Variants in SKAP1 observed in about 807,000 individuals in gnomAD.
SKAP1 encodes the protein src kinase-associated phosphoprotein 1.
SKAP1 carries 44 observed loss-of-function variants against 58.5 expected under a neutral mutation model. That is an observed-to-expected ratio of 0.75 (90% CI 0.59 to 0.97). The LOEUF is 0.97. Among genes scored for constraint, SKAP1 ranks in the 50% least tolerant of loss-of-function variants. The probability of loss-of-function intolerance (pLI) is 0.00; values close to 1 mark genes in which losing one functional copy is unlikely to be tolerated. For missense variants in SKAP1, 390 were observed against 435.2 expected (o/e 0.90, Z 0.92); for synonymous variants, 127 against 149.7 (o/e 0.85, Z 1.11).
At chr17:48,416,357 GA>G (rs2067731465) in intron 1 of SKAP1, among the ~76,000 whole-genome samples, 1 of 152,176 alleles carries the variant, frequency 6.6e-6, no homozygotes, top group South Asian at 2.1e-4. Flanking sequence ...TAGAGGGATA[GA>G]AAAGGTTTGT....
intron 10 of SKAP1, among the ~76,000 whole-genome samples, chr17:48,166,731 C>T (rs1048749674): frequency 6.6e-6 from 1 of 152,130 alleles, no homozygotes; most frequent in Non-Finnish European, 1.5e-5. Flanking sequence ...GCCAGTCCTA[C>T]GAGAGGATGG....
rs375108928 is a variant in SKAP1 at position 48,234,714 on chromosome 17, CT to C, written c.281-45215del. ...AGAAATACATTCTATTTTCAAGGCA[CT>C]TTTTTTTTTCTGGTAGGAAAGACAG... is the stretch of plus-strand genomic sequence containing the variant. On this transcript the variant is annotated intron_variant, in intron 4 of 12. Transcript: ENST00000336915. Among the ~76,000 whole-genome samples the C allele has an allele frequency of 8.0e-4, 120 of 149,504 alleles. 1 individual carries two copies. The highest frequency in any genetic ancestry group is 3.5e-3 in the Middle Eastern group (1 of 288).
At chr17:48,382,198 C>T (rs2067223717) in intron 2 of SKAP1, among the ~76,000 whole-genome samples, 1 of 151,042 alleles carries the variant, frequency 6.6e-6, no homozygotes, top group Non-Finnish European at 1.5e-5. Context: ...AAAAAAAAAC[C>T]CACATGGGGG....
chr17:48,437,015 C>T, the SKAP1 span, among the ~76,000 whole-genome samples: 82 of 152,320 alleles, frequency 5.4e-4, no homozygotes, highest in Middle Eastern at 6.8e-3. Flanking sequence ...ACCTTCTAGT[C>T]ATAGGTATTC....
intron 7 of SKAP1, among the ~76,000 whole-genome samples, chr17:48,182,900 T>C (rs767800370): frequency 2.6e-5 from 4 of 152,160 alleles, no homozygotes; most frequent in Non-Finnish European, 5.9e-5. Flanking sequence ...TAATACCATT[T>C]TGGCTGGATT....
intron 11 of SKAP1, among the ~76,000 whole-genome samples, chr17:48,154,650 C>T (rs540670554): frequency 2.3e-4 from 35 of 152,196 alleles, no homozygotes; most frequent in African/African-American, 7.9e-4. Context: ...CCTTCCTAGT[C>T]AATTGAAAAA....
intron 4 of SKAP1, among the ~76,000 whole-genome samples, chr17:48,309,671 A>G (rs1311209972): frequency 2.6e-5 from 4 of 152,340 alleles, no homozygotes; most frequent in Admixed American, 2.0e-4. Flanking sequence ...TCAGAGACCA[A>G]GAAAGATAAT....
chr17:48,265,490 CAAA>C lies in SKAP1; in HGVS notation c.281-75993_281-75991del, dbSNP rs760300491. The stretch of plus-strand genomic sequence containing the variant: ...ACTGCACTCCAGCCTGGGCCTGTCT[CAAA>C]AAAAAAAAAAGCAAGCAAGCAAGCA... On this transcript the variant is annotated intron_variant, in intron 4 of 12. Coordinates refer to ENST00000336915, the MANE Select transcript of SKAP1 (RefSeq NM_003726.4). 3.2e-4 allele frequency among the ~76,000 whole-genome samples: 40 copies of C among 123,756 alleles called. No homozygotes were observed. In the East Asian group the frequency reaches 4.3e-3, roughly 13 times the overall value. The allele number at this position is 123,756 out of a possible 152,430, so 81.2% of individuals were successfully genotyped here. A position where few individuals can be genotyped will look rare whatever the true frequency, so the allele number is the denominator to read the frequency against.
intron 11 of SKAP1, among the ~76,000 whole-genome samples, chr17:48,146,786 G>A (rs1371843625): frequency 2.6e-5 from 4 of 151,934 alleles, no homozygotes; most frequent in African/African-American, 4.8e-5. Flanking sequence ...CCGCCACCAC[G>A]CCCAGCTAAT....
At chr17:48,183,093 C>G (rs1378316025) in intron 7 of SKAP1, among the ~76,000 whole-genome samples, 4 of 152,112 alleles carry the variant, frequency 2.6e-5, no homozygotes, top group African/African-American at 9.7e-5. Context: ...TAAAAGGGCT[C>G]TGAGTACTAG....
intron 11 of SKAP1, among the ~76,000 whole-genome samples, chr17:48,161,150 G>A (rs1289737942): frequency 3.3e-5 from 5 of 152,196 alleles, no homozygotes; most frequent in African/African-American, 1.2e-4. Context: ...GTTAGACCTA[G>A]ACTGTTTCCT....
intron 1 of SKAP1, 138 bp from the exon 2 acceptor site, chr17:48,396,923 AT>A (rs2067427103): frequency 2.1e-6 from 1 of 467,294 alleles, no homozygotes; most frequent in Non-Finnish European, 3.5e-6. Flanking sequence ...AACTTAAAGT[AT>A]AATAAAAAAA....
intron 4 of SKAP1, among the ~76,000 whole-genome samples, chr17:48,325,746 A>G (rs530650665): frequency 6.6e-6 from 1 of 152,344 alleles, no homozygotes; most frequent in East Asian, 1.9e-4. Flanking sequence ...ACAAGAATCC[A>G]TAGGTGTTAA....
chr17:48,370,133 C>T (rs1438108430), intron 2 of SKAP1, among the ~76,000 whole-genome samples: 2 of 152,078 alleles, frequency 1.3e-5, no homozygotes, highest in African/African-American at 2.4e-5. Flanking sequence ...CTATAAAGAA[C>T]TTAATCGGAC....
In SKAP1 at chr17:48,170,618, G is replaced by A. The variant is rs142272724; in HGVS notation, c.868C>T (p.Arg290Ter). 4 of 1,613,552 alleles carry A rather than the reference G, an allele frequency of 2.5e-6. No individual in the cohort carries two copies. Among genetic ancestry groups the A allele is most frequent in the Non-Finnish European group, 3.4e-6 (4 of 1,179,750 alleles). The change falls in exon 10 of 13, where the codon CGA becomes TGA. Residue 290 changes from arginine to a stop codon, truncating the protein, a stop_gained. Coordinates refer to ENST00000336915, the MANE Select transcript of SKAP1 (RefSeq NM_003726.4). LOFTEE classifies it high-confidence loss of function. ...TTAGAAGCTCTTATACCTCCTTTTC[G>A]TCGAGTGCCACTCTCATCCTCTTCT... Reference protein sequence around the residue: ...DLEEDESGTRRKGVDYASYYQ... With the variant: ...DLEEDESGTR
chr17:48,348,247 T>A (rs2066749162), intron 3 of SKAP1, among the ~76,000 whole-genome samples: 1 of 148,570 alleles, frequency 6.7e-6, no homozygotes, highest in Non-Finnish European at 1.5e-5. Flanking sequence ...GGCTGAGACA[T>A]GGGGGGATCG....
intron 2 of SKAP1, among the ~76,000 whole-genome samples, chr17:48,389,996 C>A (rs996635932): frequency 6.6e-6 from 1 of 151,990 alleles, no homozygotes. Flanking sequence ...GGGTAAGCAA[C>A]CTAAAAAGAA....
At chr17:48,335,601 G>A (rs534521000) in intron 4 of SKAP1, among the ~76,000 whole-genome samples, 1 of 152,132 alleles carries the variant, frequency 6.6e-6, no homozygotes, top group Non-Finnish European at 1.5e-5. Context: ...ACAATAATAA[G>A]TTGTAAAATA....
intron 4 of SKAP1, among the ~76,000 whole-genome samples, chr17:48,225,462 C>T (rs2065056636): frequency 1.3e-5 from 2 of 152,070 alleles, no homozygotes. Context: ...GCTTGAAATA[C>T]TGTGTGTGAA....
Sources: allele counts gnomAD v4.1 joint callset (sites outside exome capture counted in the v4.1 genomes callset), GRCh38; gene constraint gnomAD v4.1.1; transcripts MANE v1.5; gene names NCBI Gene and HGNC (gene_info 2026-07-23, HGNC 2026-07-21).